Variants in LSAMP observed in about 807,000 individuals in gnomAD.
The protein encoded by LSAMP is limbic system-associated membrane protein.
Under a neutral mutation model 38.6 loss-of-function variants are expected in LSAMP, and 7 were observed. The ratio of observed to expected loss-of-function variants is 0.18; its 90% CI spans 0.10 to 0.34. The LOEUF (loss-of-function observed/expected upper bound fraction) is 0.34. LSAMP is among the 10% of genes least tolerant of loss of function. The probability of loss-of-function intolerance (pLI) is 1.00; values close to 1 mark genes in which losing one functional copy is unlikely to be tolerated. For missense variants in LSAMP, 313 were observed against 420.0 expected (o/e 0.75, Z 2.23); for synonymous variants, 154 against 166.8 (o/e 0.92, Z 0.59).
intron 3 of LSAMP, among the ~76,000 whole-genome samples, chr3:115,985,135 A>G (rs1350967890): frequency 6.6e-6 from 1 of 152,204 alleles, no homozygotes; most frequent in Non-Finnish European, 1.5e-5. Context: ...CACTTTACAG[A>G]GGAAGGATTT....
chr3:116,179,046 C>T (rs1202333759), intron 1 of LSAMP, among the ~76,000 whole-genome samples: 1 of 151,998 alleles, frequency 6.6e-6, no homozygotes, highest in Non-Finnish European at 1.5e-5. Context: ...AAAAAAATGC[C>T]TCTTAACAGC....
intron 1 of LSAMP, among the ~76,000 whole-genome samples, chr3:116,194,519 C>G (rs554402982): frequency 1.3e-5 from 2 of 152,222 alleles, no homozygotes; most frequent in African/African-American, 4.8e-5. Context: ...CTCAGCCTCC[C>G]GAGTAGCTGG....
At chr3:116,114,940 C>T (rs1478396998) in intron 1 of LSAMP, among the ~76,000 whole-genome samples, 1 of 152,158 alleles carries the variant, frequency 6.6e-6, no homozygotes, top group African/African-American at 2.4e-5. Flanking sequence ...TATGGCAGCT[C>T]TTAGAATCTA....
In LSAMP at chr3:115,803,563, A is replaced by T. The variant is rs1162341546; in HGVS notation, c.*6754T>A. ...TTTCACATTTGATTTTGGCCTTCACAACAATTCATACTGTCTTCAACTCTG... is the reference window on the plus strand; with the variant it reads ...TTTCACATTTGATTTTGGCCTTCACTACAATTCATACTGTCTTCAACTCTG... On this transcript the variant is annotated 3_prime_UTR_variant, in exon 7 of 7. Coordinates refer to ENST00000490035, the MANE Select transcript of LSAMP (RefSeq NM_002338.5). 1 of 152,178 alleles carries T rather than the reference A, an allele frequency of 6.6e-6. No individual in the cohort carries two copies. Among genetic ancestry groups the T allele is most frequent in the African/African-American group, 2.4e-5 (1 of 41,436 alleles). 9.4% of individuals were successfully genotyped at this position (152,178 alleles called of 1,614,324 possible).
chr3:116,254,822 T>C (rs1003009393), intron 1 of LSAMP, among the ~76,000 whole-genome samples: 1 of 152,236 alleles, frequency 6.6e-6, no homozygotes, highest in African/African-American at 2.4e-5. Context: ...CCTCCCTGGA[T>C]AAAAACTCAT....
rs2047221305 is a variant in LSAMP, at chr3:116,288,535, T to C, written c.155+156342A>G. On this transcript the variant is annotated intron_variant, in intron 1 of 6. Coordinates refer to ENST00000490035, the MANE Select transcript of LSAMP (RefSeq NM_002338.5). The stretch of plus-strand genomic sequence containing the variant: ...GTGAAGATCGGTGAAACTTCTAATC[T>C]TCAAACTTTAAAAAGCTGATTTAAA... Among the ~76,000 whole-genome samples the C allele has an allele frequency of 2.0e-5, 3 of 152,190 alleles. No homozygotes were observed. In the South Asian group the frequency reaches 6.2e-4, roughly 31 times the overall value.
chr3:116,307,181 G>C (rs2047495227), intron 1 of LSAMP, among the ~76,000 whole-genome samples: 1 of 151,910 alleles, frequency 6.6e-6, no homozygotes, highest in Non-Finnish European at 1.5e-5. Context: ...TGCCAAATTT[G>C]ACTCAGGGCA....
At chr3:116,133,035 C>T (rs1027780236) in intron 1 of LSAMP, among the ~76,000 whole-genome samples, 6 of 152,134 alleles carry the variant, frequency 3.9e-5, no homozygotes, top group African/African-American at 1.2e-4. Flanking sequence ...TTTTGTGACA[C>T]GGCCAAGCCT....
intron 1 of LSAMP, among the ~76,000 whole-genome samples, chr3:116,256,344 A>G (rs2046751139): frequency 1.3e-5 from 2 of 152,206 alleles, no homozygotes; most frequent in African/African-American, 4.8e-5. Context: ...AGTGCACACA[A>G]GCGTGGAAAG....
chr3:116,094,290 C>T (rs964614533), intron 1 of LSAMP, among the ~76,000 whole-genome samples: 1 of 152,194 alleles, frequency 6.6e-6, no homozygotes, highest in African/African-American at 2.4e-5. Flanking sequence ...AAAGCTTCAG[C>T]TCCTTACCTT....
intron 1 of LSAMP, among the ~76,000 whole-genome samples, chr3:116,251,368 T>C (rs769353161): frequency 3.3e-5 from 5 of 152,144 alleles, no homozygotes; most frequent in Non-Finnish European, 7.4e-5. Context: ...AAGGTAGAGA[T>C]AGAAAACAGG....
At chr3:116,285,339 C>G (rs2047181047) in intron 1 of LSAMP, among the ~76,000 whole-genome samples, 1 of 152,160 alleles carries the variant, frequency 6.6e-6, no homozygotes, top group Non-Finnish European at 1.5e-5. Context: ...CCATCTCCCA[C>G]CAGACTCTGT....
At chr3:116,086,068 C>T (rs150413347) in intron 2 of LSAMP, among the ~76,000 whole-genome samples, 3 of 152,208 alleles carry the variant, frequency 2.0e-5, no homozygotes, top group African/African-American at 4.8e-5. Flanking sequence ...TGGCTTTTGC[C>T]GTGTGTTTTC....
chr3:116,173,852 T>C (rs1185180470), intron 1 of LSAMP, among the ~76,000 whole-genome samples: 1 of 151,410 alleles, frequency 6.6e-6, no homozygotes, highest in African/African-American at 2.4e-5. Flanking sequence ...TTCTTCCATC[T>C]CTCCTTGTTC....
At chr3:116,444,528 A>G (rs2049478956) in intron 1 of LSAMP, among the ~76,000 whole-genome samples, 1 of 152,062 alleles carries the variant, frequency 6.6e-6, no homozygotes, top group Non-Finnish European at 1.5e-5. Context: ...GCAATGCCAC[A>G]GCAATTACAA....
intron 1 of LSAMP, among the ~76,000 whole-genome samples, chr3:116,185,033 T>TCTTTC (rs61677239): frequency 1.8e-4 from 27 of 148,408 alleles, no homozygotes; most frequent in African/African-American, 6.6e-4. Context: ...TTTCTTTCTT[T>TCTTTC]TTTTTTTTTT....
intron 1 of LSAMP, among the ~76,000 whole-genome samples, chr3:116,302,000 G>A (rs974299782): frequency 1.3e-5 from 2 of 152,122 alleles, no homozygotes; most frequent in African/African-American, 4.8e-5. Flanking sequence ...CTCTAGCTCA[G>A]GTCCTTTTTT....
chr3:116,133,027 T>C (rs1709169332), intron 1 of LSAMP, among the ~76,000 whole-genome samples: 1 of 152,178 alleles, frequency 6.6e-6, no homozygotes, highest in Non-Finnish European at 1.5e-5. Flanking sequence ...AACCAAAGTT[T>C]TGTGACACGG....
At chr3:116,383,606 T>TA (rs1352149396) in intron 1 of LSAMP, among the ~76,000 whole-genome samples, 1 of 151,862 alleles carries the variant, frequency 6.6e-6, no homozygotes, top group Non-Finnish European at 1.5e-5. Flanking sequence ...TAAATGGAAA[T>TA]AGGATGAAAA....
Sources: allele counts gnomAD v4.1 joint callset (sites outside exome capture counted in the v4.1 genomes callset), GRCh38; gene constraint gnomAD v4.1.1; transcripts MANE v1.5; gene names NCBI Gene and HGNC (gene_info 2026-07-23, HGNC 2026-07-21).